ZNF676: variants seen among roughly 807,000 people sequenced by gnomAD.
The protein encoded by ZNF676 is zinc finger protein 676.
A neutral mutation model predicts 6.0 loss-of-function variants in ZNF676; 4 were observed. The observed-to-expected ratio is 0.67, with a 90% CI of 0.33 to 1.53. The LOEUF is 1.53. ZNF676 is among the 40% of genes most tolerant of loss of function. The pLI, the probability that ZNF676 is intolerant of heterozygous loss-of-function variation, is 0.06. For synonymous variants in ZNF676, 198 were observed against 223.1 expected, an observed-to-expected ratio of 0.89 and a Z score of 1.00; for missense variants, 644 against 679.7, an observed-to-expected ratio of 0.95 and a Z score of 0.58.
intron 1 of ZNF676, among the ~76,000 whole-genome samples, chr19:22,215,064 C>CAAAA (rs60075524): frequency 7.4e-6 from 1 of 135,608 alleles, no homozygotes; most frequent in Non-Finnish European, 1.6e-5. Flanking sequence ...AAAAAAACAA[C>CAAAA]AAAAAACCAG....
rs538182540 is a variant in ZNF676 at position 22,214,202 on chromosome 19, C to T, written c.3+1430G>A. 1.6e-4 allele frequency among the ~76,000 whole-genome samples: 24 copies of T among 152,244 alleles called. No individual in the cohort carries two copies. In the South Asian group the frequency reaches 4.4e-3, roughly 28 times the overall value. ...TAGGGGGTGGCAGATAGACTTGAGG[C>T]CCTGCTTGGGACACATGTGAAAAAT... is the stretch of plus-strand genomic sequence containing the variant. On this transcript the variant is annotated intron_variant, in intron 1 of 3. Coordinates refer to the ZNF676 transcript ENST00000650058.
At chr19:22,212,578 A>C (rs2024140521) in intron 1 of ZNF676, among the ~76,000 whole-genome samples, 4 of 151,730 alleles carry the variant, frequency 2.6e-5, no homozygotes, top group East Asian at 2.0e-4. Context: ...GGTGGTGGGC[A>C]CCTGTAGTCC....
At chr19:22,215,468 C>T (rs1369283538) in intron 1 of ZNF676, among the ~76,000 whole-genome samples, 1 of 152,192 alleles carries the variant, frequency 6.6e-6, no homozygotes, top group Non-Finnish European at 1.5e-5. Flanking sequence ...CGCCCGGCGG[C>T]CCGCGCAGCC....
chr19:22,251,579 G>A, the ZNF676 span, among the ~76,000 whole-genome samples: 1 of 152,184 alleles, frequency 6.6e-6, no homozygotes, highest in African/African-American at 2.4e-5. Flanking sequence ...CACGATGTCA[G>A]GGGTTCGAGA....
At chr19:22,198,122 C>CT (rs1227978541), upstream of ZNF676, among the ~76,000 whole-genome samples, 11 of 152,074 alleles carry the variant, frequency 7.2e-5, no homozygotes, top group Non-Finnish European at 1.2e-4. Flanking sequence ...ACTGCATAGA[C>CT]ATAATAAAGA....
At chr19:22,255,533 C>T in the ZNF676 span, among the ~76,000 whole-genome samples, 5 of 152,262 alleles carry the variant, frequency 3.3e-5, no homozygotes, top group Non-Finnish European at 5.9e-5. Flanking sequence ...CCTCACTTTC[C>T]TATGAGCTGC....
the ZNF676 span, among the ~76,000 whole-genome samples, chr19:22,231,534 G>A: frequency 1.0e-5 from 1 of 99,724 alleles, no homozygotes; most frequent in Non-Finnish European, 2.0e-5. Context: ...GATGGATGTA[G>A]ATATTCTATG....
At chr19:22,204,040 G>C (rs2024052524) in intron 1 of ZNF676, 1 of 152,152 alleles carries the variant, frequency 6.6e-6, no homozygotes, top group African/African-American at 2.4e-5. Flanking sequence ...TGTTAATATA[G>C]TAGAATATAT....
the ZNF676 span, among the ~76,000 whole-genome samples, chr19:22,223,608 G>A: frequency 6.6e-6 from 1 of 150,856 alleles, no homozygotes; most frequent in South Asian, 2.1e-4. Context: ...TTTAGATTCA[G>A]ACATTTAGGA....
chr19:22,195,692 T>C (rs2023959701), intron 1 of ZNF676, among the ~76,000 whole-genome samples: 1 of 152,210 alleles, frequency 6.6e-6, no homozygotes, highest in African/African-American at 2.4e-5. Flanking sequence ...ATTACAAAAC[T>C]TACAATTGAA....
the ZNF676 span, among the ~76,000 whole-genome samples, chr19:22,248,306 C>T: frequency 3.3e-5 from 5 of 152,240 alleles, no homozygotes; most frequent in South Asian, 4.1e-4. Flanking sequence ...AGTTCTAGAT[C>T]CCCGAAGAAT....
In ZNF676 at chr19:22,181,478, T is replaced by G. The variant is rs751583074; in HGVS notation, c.239A>C (p.His80Pro). The change falls in exon 3 of 3, where the codon CAC (histidine) becomes CCC (proline). Residue 80 changes from histidine (H) to proline (P), a missense_variant. Transcript: ENST00000397121. ...CACATTGGTACAACTAATTTTTAAG[T>G]GTAAATTCTCATGTCCACATTTGTC... ...RYDKCGHENL[H>P]LKISCTNVDE... The G allele has an allele frequency of 6.2e-7, 1 of 1,613,638 alleles. No homozygotes were observed. The highest frequency in any genetic ancestry group is 8.5e-7 in the Non-Finnish European group (1 of 1,179,758).
the ZNF676 span, among the ~76,000 whole-genome samples, chr19:22,222,226 T>G: frequency 1.2e-3 from 182 of 152,248 alleles, 1 homozygote; most frequent in African/African-American, 4.1e-3. Flanking sequence ...TGCCTCAGAC[T>G]CCCGAGTAGC....
chr19:22,200,738 C>T (rs2024017540), upstream of ZNF676, among the ~76,000 whole-genome samples: 1 of 151,840 alleles, frequency 6.6e-6, no homozygotes, highest in Admixed American at 6.6e-5. Context: ...ATGGTGAAAT[C>T]CCTATTTCAC....
the ZNF676 span, chr19:22,245,243 A>C: frequency 6.6e-6 from 1 of 152,148 alleles, no homozygotes; most frequent in African/African-American, 2.4e-5. Context: ...AAGGATAGTC[A>C]CATCATTTAA....
chr19:22,250,781 A>G, the ZNF676 span, among the ~76,000 whole-genome samples: 1 of 151,508 alleles, frequency 6.6e-6, no homozygotes, highest in Non-Finnish European at 1.5e-5. Context: ...GTGTGATTTC[A>G]ACTAACTGCA....
chr19:22,182,617 G>T (rs112092265), intron 2 of ZNF676, among the ~76,000 whole-genome samples: 680 of 43,522 alleles, frequency 0.016, 8 homozygotes, highest in African/African-American at 0.061. Flanking sequence ...ACAAAAAAAA[G>T]AAGCTATAAA....
At chr19:22,239,808 C>A in the ZNF676 span, among the ~76,000 whole-genome samples, 2 of 152,136 alleles carry the variant, frequency 1.3e-5, no homozygotes, top group Non-Finnish European at 2.9e-5. Context: ...AAAATTGGTT[C>A]AGGGATTTGT....
the ZNF676 span, among the ~76,000 whole-genome samples, chr19:22,225,503 T>A: frequency 6.6e-6 from 1 of 152,186 alleles, no homozygotes; most frequent in Non-Finnish European, 1.5e-5. Flanking sequence ...ACAATTTTAT[T>A]TTTAATTATC....
Sources: allele counts gnomAD v4.1 joint callset (sites outside exome capture counted in the v4.1 genomes callset), GRCh38; gene constraint gnomAD v4.1.1; transcripts MANE v1.5; gene names NCBI Gene and HGNC (gene_info 2026-07-23, HGNC 2026-07-21).